Variants in PMF1 observed in about 807,000 individuals in gnomAD.
The protein encoded by PMF1 is polyamine-modulated factor 1.
Under a neutral mutation model 26.7 loss-of-function variants are expected in PMF1, and 21 were observed. The observed-to-expected ratio is 0.79, with a 90% CI of 0.56 to 1.13. The LOEUF is 1.13. Among genes scored for constraint, PMF1 ranks in the 50% most tolerant of loss-of-function variants. The probability of loss-of-function intolerance (pLI) is 0.00; values close to 1 mark genes in which losing one functional copy is unlikely to be tolerated. For missense variants in PMF1, 266 were observed against 254.9 expected, an observed-to-expected ratio of 1.04 and a Z score of -0.30; for synonymous variants, 105 against 101.0, an observed-to-expected ratio of 1.04 and a Z score of -0.24.
At chr1:156,224,556 C>G (rs554194252) in intron 1 of PMF1, among the ~76,000 whole-genome samples, 1 of 152,058 alleles carries the variant, frequency 6.6e-6, no homozygotes, top group Non-Finnish European at 1.5e-5. Flanking sequence ...GCGGGCGGAT[C>G]ATGAGGTCAG....
At chr1:156,232,031 G>T (rs140400502) in intron 1 of PMF1, among the ~76,000 whole-genome samples, 81 of 152,312 alleles carry the variant, frequency 5.3e-4, no homozygotes, top group Admixed American at 1.8e-3. Context: ...TAACCCGAGA[G>T]CTTGCTAGAA....
intron 1 of PMF1, among the ~76,000 whole-genome samples, chr1:156,229,664 G>A (rs1390569232): frequency 2.6e-5 from 4 of 151,376 alleles, no homozygotes; most frequent in Non-Finnish European, 4.4e-5. Flanking sequence ...TCTGCTTCCC[G>A]GGTTCAAGCA....
rs181206917 is a variant in PMF1, at chr1:156,225,501, C to G, written c.162-6819C>G. On this transcript the variant is annotated intron_variant, in intron 1 of 4. Coordinates refer to ENST00000368277, the MANE Select transcript of PMF1 (RefSeq NM_007221.4). ...AAGTCCATTGTACCATTCTTCTGCC[C>G]TTTGCATCCCCAGCTTCTGTTTGTT... 181 of 1,084,400 alleles carry G rather than the reference C, an allele frequency of 1.7e-4. 1 individual carries two copies. The Admixed American group carries it at 3.5e-3, about 21-fold the overall frequency. 67.2% of individuals were successfully genotyped at this position (1,084,400 alleles called of 1,614,324 possible).
At chr1:156,238,151 T>C (rs1444054504) in intron 4 of PMF1, among the ~76,000 whole-genome samples, 1 of 152,368 alleles carries the variant, frequency 6.6e-6, no homozygotes, top group East Asian at 1.9e-4. Flanking sequence ...TCTGTTCTTA[T>C]AACAGTACCA....
In PMF1 at chr1:156,225,624, C is replaced by T. The variant is rs1034185770; in HGVS notation, c.162-6696C>T. On this transcript the variant is annotated intron_variant, in intron 1 of 4. Coordinates refer to ENST00000368277, the MANE Select transcript of PMF1 (RefSeq NM_007221.4). The stretch of plus-strand genomic sequence containing the variant: ...GCCCTCTGGTGGACAGTCTGTGAAA[C>T]AGGCCTTCAGTTGGGCGGCGTGCAG... The T allele has an allele frequency of 8.3e-6, 13 of 1,563,916 alleles. 1 individual carries two copies. The Admixed American group carries it at 1.3e-4, about 16-fold the overall frequency.
Position 156,239,966 on chromosome 1 carries a change from C to T in PMF1, c.*365C>T. The T allele has an allele frequency of 1.2e-5, 3 of 244,774 alleles. No individual in the cohort carries two copies. The highest frequency in any genetic ancestry group is 1.6e-4 in the South Asian group (2 of 12,722). The allele number at this position is 244,774 out of a possible 1,614,324, so 15.2% of individuals were successfully genotyped here. On this transcript the variant is annotated 3_prime_UTR_variant, in exon 5 of 5. Transcript: ENST00000368277. The stretch of plus-strand genomic sequence containing the variant: ...TCTGTTTTCAATCTCCACTGATTGC[C>T]CCCTTGCTGGCCAGCCCAGGGGCCT...
intron 1 of PMF1, chr1:156,223,479 T>C (rs984103483): frequency 6.6e-6 from 1 of 152,196 alleles, no homozygotes; most frequent in Non-Finnish European, 1.5e-5. Flanking sequence ...TTGTGTGACC[T>C]TGGGCAAGCT....
intron 2 of PMF1, 107 bp downstream of exon 2, chr1:156,232,532 C>T: frequency 9.5e-7 from 1 of 1,049,704 alleles, no homozygotes. Context: ...TCTCCTCAGC[C>T]CCTAGAGCTG....
intron 1 of PMF1, among the ~76,000 whole-genome samples, chr1:156,217,246 GA>G (rs11366613): frequency 0.38 from 52,696 of 137,928 alleles, 9,887 homozygotes; most frequent in African/African-American, 0.44. Flanking sequence ...AAAAAAAAAA[GA>G]AAAAAAAAAA....
rs758828671 is a variant in PMF1 at position 156,213,176 on chromosome 1, G to A, written c.161G>A (p.Ser54Asn). Reference protein sequence around the residue: ...TFLQKLVAAGSYQRFTDCYKC... With the variant: ...TFLQKLVAAGNYQRFTDCYKC... ...CTTCAGAAGCTGGTCGCCGCCGGCA[G>A]GTAAAGTGGACGCAGCCGCGGTGGG... The change falls in exon 1 of 5, where the codon AGC (serine) becomes AAC (asparagine). Residue 54 changes from serine (S) to asparagine (N), a missense_variant and splice_region_variant. By Grantham distance (46) the Ser-to-Asn change is conservative. Transcript: ENST00000368277. The A allele has an allele frequency of 3.7e-6, 6 of 1,612,332 alleles. No homozygotes were observed. The South Asian group carries it at 6.6e-5, about 18-fold the overall frequency.
intron 2 of PMF1, among the ~76,000 whole-genome samples, chr1:156,232,826 C>T (rs1008416933): frequency 2.0e-5 from 3 of 151,902 alleles, no homozygotes; most frequent in Admixed American, 6.6e-5. Flanking sequence ...TCCCAAAGTG[C>T]TGGAATTACA....
At chr1:156,235,520 C>T (rs1232874740) in intron 3 of PMF1, among the ~76,000 whole-genome samples, 1 of 140,952 alleles carries the variant, frequency 7.1e-6, no homozygotes, top group African/African-American at 2.7e-5. Context: ...TGGCTCACTG[C>T]AAGCTCCGCC....
intron 4 of PMF1, among the ~76,000 whole-genome samples, chr1:156,237,516 A>G (rs1439810095): frequency 3.0e-5 from 4 of 133,978 alleles, no homozygotes; most frequent in Admixed American, 8.3e-5. Context: ...GCACGATCTC[A>G]GCTCACTGCA....
intron 1 of PMF1, among the ~76,000 whole-genome samples, chr1:156,217,083 T>G (rs1657795740): frequency 8.5e-5 from 12 of 141,288 alleles, no homozygotes; most frequent in South Asian, 2.2e-4. Flanking sequence ...GGGACTGTGG[T>G]GGGGTTGGGG....
intron 4 of PMF1, 144 bp from the exon 5 acceptor site, chr1:156,239,404 T>C (rs976913924): frequency 7.0e-5 from 45 of 638,706 alleles, no homozygotes; most frequent in Non-Finnish European, 1.1e-4. Context: ...CATCCTAACA[T>C]GCTCTGCAGG....
At chr1:156,237,446 CTTTTTTTTT>C (rs33952725) in intron 4 of PMF1, among the ~76,000 whole-genome samples, 1 of 123,384 alleles carries the variant, frequency 8.1e-6, no homozygotes, top group Non-Finnish European at 1.6e-5. Context: ...TATTTTTTGT[CTTTTTTTTT>C]TTTTTTTTTT....
chr1:156,230,417 G>T (rs1051596400), intron 1 of PMF1, among the ~76,000 whole-genome samples: 3 of 152,184 alleles, frequency 2.0e-5, no homozygotes, highest in Non-Finnish European at 4.4e-5. Context: ...ACTTGCATGT[G>T]AGTTTCTGCA....
chr1:156,226,510 C>T lies in PMF1; in HGVS notation c.162-5810C>T, dbSNP rs186355966. ...CACCTGCCTTCCACCCGGGAGGAGA[C>T]TTCCCAGCTCTGGGGAGCCAAGTTA... On this transcript the variant is annotated intron_variant, in intron 1 of 4. Transcript: ENST00000368277. Among the ~76,000 whole-genome samples the T allele has an allele frequency of 6.8e-4, 103 of 152,358 alleles. 1 individual carries two copies. The highest frequency in any genetic ancestry group is 2.3e-3 in the African/African-American group (95 of 41,584).
intron 3 of PMF1, among the ~76,000 whole-genome samples, chr1:156,235,540 C>A (rs1345996758): frequency 1.4e-5 from 2 of 141,588 alleles, no homozygotes; most frequent in Admixed American, 1.5e-4. Context: ...CTCCTGGGTT[C>A]ACGCCATTCT....
Sources: gnomAD v4.1 joint callset for allele counts (sites outside exome capture counted in the v4.1 genomes callset) on GRCh38, gnomAD v4.1.1 for gene constraint, MANE v1.5 for transcripts, NCBI Gene and HGNC (gene_info 2026-07-23, HGNC 2026-07-21) for gene names.